Variants in F13A1 observed in about 807,000 individuals in gnomAD.
F13A1 encodes coagulation factor XIII A chain, also known as FSF, A subunit.
A neutral mutation model predicts 80.1 loss-of-function variants in F13A1; 47 were observed. That is an observed-to-expected ratio of 0.59 (90% confidence interval 0.46 to 0.75). The LOEUF (loss-of-function observed/expected upper bound fraction) is 0.75. F13A1 is among the 30% of genes least tolerant of loss of function. The pLI, the probability that F13A1 is intolerant of heterozygous loss-of-function variation, is 0.00. For synonymous variants in F13A1, 349 were observed against 344.9 expected (o/e 1.01, Z -0.13); for missense variants, 817 against 930.4 (o/e 0.88, Z 1.59).
rs763582725 is a variant in F13A1, at chr6:6,222,014, C to T, written c.1112+19G>A. Reference sequence around the variant, plus strand: ...ACTATAATGTGACATCAGCCAATGCCATTGTCAATCAAACTCACCACACTG... The same window carrying T: ...ACTATAATGTGACATCAGCCAATGCTATTGTCAATCAAACTCACCACACTG... On this transcript the variant is annotated intron_variant, in intron 8 of 14. Coordinates refer to ENST00000264870, the MANE Select transcript of F13A1 (RefSeq NM_000129.4). 6.2e-7 allele frequency: 1 copy of T among 1,612,716 alleles called. No homozygotes were observed. The highest frequency in any genetic ancestry group is 8.5e-7 in the Non-Finnish European group (1 of 1,179,324).
chr6:6,271,462 G>C (rs1049329663), intron 3 of F13A1, among the ~76,000 whole-genome samples: 1 of 152,154 alleles, frequency 6.6e-6, no homozygotes, highest in Admixed American at 6.5e-5. Flanking sequence ...GCTCCATACA[G>C]GGAACCTCCA....
intron 7 of F13A1, among the ~76,000 whole-genome samples, 174 bp from the exon 8 acceptor site, chr6:6,222,345 C>T (rs190585714): frequency 4.6e-5 from 7 of 152,288 alleles, no homozygotes; most frequent in East Asian, 1.9e-4. Flanking sequence ...CCCATGGGGG[C>T]GGTAGAGAGA....
At chr6:6,197,416 A>C in intron 8 of F13A1, 90 bp from the exon 9 acceptor site, 1 of 1,246,492 alleles carries the variant, frequency 8.0e-7, no homozygotes, top group Non-Finnish European at 1.2e-6. Flanking sequence ...ACAGTGGCTC[A>C]TGCCTGTAAT....
intron 3 of F13A1, among the ~76,000 whole-genome samples, chr6:6,267,516 T>C (rs1757861525): frequency 6.6e-6 from 1 of 152,194 alleles, no homozygotes; most frequent in Admixed American, 6.5e-5. Context: ...TTGCCCTTTT[T>C]ACCAGAGGCT....
At chr6:6,313,679 T>A (rs1018383252) in intron 2 of F13A1, among the ~76,000 whole-genome samples, 2 of 152,126 alleles carry the variant, frequency 1.3e-5, no homozygotes, top group African/African-American at 4.8e-5. Flanking sequence ...GAAACTGATT[T>A]ATTTAAAAAA....
chr6:6,228,730 T>G (rs1342819331), intron 6 of F13A1, among the ~76,000 whole-genome samples: 1 of 34,996 alleles, frequency 2.9e-5, no homozygotes, highest in African/African-American at 1.8e-4. Flanking sequence ...AGATCCTGTC[T>G]CAAAAAAAAA....
intron 6 of F13A1, among the ~76,000 whole-genome samples, chr6:6,231,532 G>A (rs1246331896): frequency 6.6e-6 from 1 of 152,158 alleles, no homozygotes; most frequent in Admixed American, 6.5e-5. Flanking sequence ...TACTTCCCCG[G>A]CCTTGCTAGA....
intron 3 of F13A1, among the ~76,000 whole-genome samples, chr6:6,273,262 A>G (rs1274580377): frequency 6.6e-6 from 1 of 152,186 alleles, no homozygotes; most frequent in Non-Finnish European, 1.5e-5. Context: ...TAGCTCCCAT[A>G]GAATGTCACA....
chr6:6,261,017 G>C (rs572214937), intron 4 of F13A1, among the ~76,000 whole-genome samples: 1 of 152,172 alleles, frequency 6.6e-6, no homozygotes, highest in African/African-American at 2.4e-5. Flanking sequence ...GGCCCAGGCT[G>C]GAGTGCAGTG....
chr6:6,150,198 T>C (rs1760349435), intron 14 of F13A1, among the ~76,000 whole-genome samples: 1 of 152,188 alleles, frequency 6.6e-6, no homozygotes. Context: ...AGCAGGGGGC[T>C]GTATGGAAGA....
rs1454794882 is a variant in F13A1 at position 6,164,881 on chromosome 6, TCAC to T, written c.1908+2574_1908+2576del. 4.6e-5 allele frequency among the ~76,000 whole-genome samples: 7 copies of T among 151,656 alleles called. No homozygotes were observed. In the East Asian group the frequency reaches 1.4e-3, roughly 30 times the overall value. ...CCCTCCCCTGCTATGACTCTGCATT[TCAC>T]CTCTCCAGGAGGCTAGGCAGGTCCC... On this transcript the variant is annotated intron_variant, in intron 13 of 14. Coordinates refer to ENST00000264870, the MANE Select transcript of F13A1 (RefSeq NM_000129.4).
At chr6:6,230,200 T>G (rs1049769061) in intron 6 of F13A1, among the ~76,000 whole-genome samples, 2 of 151,870 alleles carry the variant, frequency 1.3e-5, no homozygotes, top group African/African-American at 4.8e-5. Flanking sequence ...CGGGTCAGGT[T>G]TTCAAGGCCA....
At position 6,266,672 on chromosome 6, in the gene F13A1, A is replaced by T. The variant is rs762694348; in HGVS notation, c.457T>A (p.Cys153Ser). ...TACATGCGGAATTTCCCCACAATAC[A>T]TTTGGGGGAAGACTGGATGGACAGC... ...VRLSIQSSPKCIVGKFRMYVA... is the reference protein window; with the variant it reads ...VRLSIQSSPKSIVGKFRMYVA... The change falls in exon 4 of 15, where the codon TGT (cysteine) becomes AGT (serine). Residue 153 changes from cysteine to serine, a missense_variant. Coordinates refer to ENST00000264870, the MANE Select transcript of F13A1 (RefSeq NM_000129.4). 13 of 1,614,062 alleles carry T rather than the reference A, an allele frequency of 8.1e-6. No homozygotes were observed. The highest frequency in any genetic ancestry group is 1.0e-5 in the Non-Finnish European group (12 of 1,180,040).
intron 6 of F13A1, among the ~76,000 whole-genome samples, chr6:6,236,231 C>T (rs1322157903): frequency 2.6e-5 from 4 of 151,984 alleles, no homozygotes; most frequent in East Asian, 1.9e-4. Flanking sequence ...TTTTAGTGTT[C>T]GTTTCATGGG....
At chr6:6,285,150 G>T (rs1196007349) in intron 3 of F13A1, among the ~76,000 whole-genome samples, 1 of 152,236 alleles carries the variant, frequency 6.6e-6, no homozygotes, top group Non-Finnish European at 1.5e-5. Context: ...TCAGGAGGCT[G>T]AGGCAAGAGA....
At chr6:6,272,985 G>A (rs188725245) in intron 3 of F13A1, among the ~76,000 whole-genome samples, 3 of 152,226 alleles carry the variant, frequency 2.0e-5, no homozygotes, top group South Asian at 2.1e-4. Context: ...CAATGACAGC[G>A]CATTCCTCCA....
intron 6 of F13A1, among the ~76,000 whole-genome samples, chr6:6,230,313 T>C (rs1757332939): frequency 6.6e-6 from 1 of 152,044 alleles, no homozygotes; most frequent in Admixed American, 6.5e-5. Flanking sequence ...CTCCTGTGAC[T>C]GCCAGCTTCC....
At chr6:6,302,296 G>A (rs945278558) in intron 3 of F13A1, among the ~76,000 whole-genome samples, 2 of 152,132 alleles carry the variant, frequency 1.3e-5, no homozygotes, top group Non-Finnish European at 2.9e-5. Flanking sequence ...TGCACGGGAT[G>A]TAATATGTTG....
intron 8 of F13A1, among the ~76,000 whole-genome samples, chr6:6,198,907 T>A (rs540733785): frequency 9.2e-5 from 14 of 152,090 alleles, no homozygotes; most frequent in African/African-American, 2.9e-4. Context: ...ATTTGGGAAG[T>A]GATGTTTGAG....
Sources: allele counts gnomAD v4.1 joint callset (sites outside exome capture counted in the v4.1 genomes callset), GRCh38; gene constraint gnomAD v4.1.1; transcripts MANE v1.5; gene names NCBI Gene and HGNC (gene_info 2026-07-23, HGNC 2026-07-21).